The following SCFD2 variants were observed in gnomAD, a reference collection of about 807,000 sequenced individuals.
SCFD2 encodes sec1 family domain containing 2.
A neutral mutation model predicts 58.9 loss-of-function variants in SCFD2; 54 were observed. The ratio of observed to expected loss-of-function variants is 0.92; its 90% CI spans 0.74 to 1.15. The LOEUF is 1.15. Ranked by LOEUF, SCFD2 falls within the 50% of genes most tolerant of loss-of-function variation. The probability of loss-of-function intolerance (pLI) is 0.00; values close to 1 mark genes in which losing one functional copy is unlikely to be tolerated. For missense variants in SCFD2, 805 were observed against 836.6 expected, an observed-to-expected ratio of 0.96 and a Z score of 0.47; for synonymous variants, 321 against 335.9, an observed-to-expected ratio of 0.96 and a Z score of 0.49.
intron 5 of SCFD2, among the ~76,000 whole-genome samples, chr4:53,077,938 G>A (rs572524512): frequency 1.3e-5 from 2 of 151,996 alleles, no homozygotes; most frequent in South Asian, 4.2e-4. Context: ...TTTCTCTTTA[G>A]GCCAAAATTC....
rs183355824 is a variant in SCFD2, at chr4:53,229,502, C to G, written c.1311+44324G>C. Reference sequence around the variant, plus strand: ...ACTATCTGATCTTTGACAAACCTGACAAAAACAAGCAATGGGGAAAGGATT... The same window carrying G: ...ACTATCTGATCTTTGACAAACCTGAGAAAAACAAGCAATGGGGAAAGGATT... On this transcript the variant is annotated intron_variant, in intron 4 of 8. Coordinates refer to ENST00000401642, the MANE Select transcript of SCFD2 (RefSeq NM_152540.4). Among the ~76,000 whole-genome samples, 283 of 152,206 alleles carry G rather than the reference C, an allele frequency of 1.9e-3. 3 individuals carry two copies. The highest frequency in any genetic ancestry group is 5.1e-3 in the African/African-American group (211 of 41,516).
chr4:53,320,949 C>T (rs1733005856), intron 2 of SCFD2, among the ~76,000 whole-genome samples: 2 of 151,998 alleles, frequency 1.3e-5, no homozygotes, highest in Non-Finnish European at 2.9e-5. Context: ...AAATAGATTC[C>T]TTGAAATATA....
chr4:53,131,217 T>TA (rs1205979561), intron 5 of SCFD2, among the ~76,000 whole-genome samples: 3 of 152,186 alleles, frequency 2.0e-5, no homozygotes, highest in African/African-American at 7.2e-5. Flanking sequence ...TAATAATAGA[T>TA]AAAAAAGCTT....
At chr4:52,940,613 T>G (rs1052435273) in intron 5 of SCFD2, among the ~76,000 whole-genome samples, 2 of 152,162 alleles carry the variant, frequency 1.3e-5, no homozygotes, top group African/African-American at 4.8e-5. Context: ...GTAGCTGAAA[T>G]GACAGGAAAC....
At chr4:53,152,372 A>C (rs1290952609) in intron 4 of SCFD2, among the ~76,000 whole-genome samples, 2 of 152,182 alleles carry the variant, frequency 1.3e-5, no homozygotes, top group African/African-American at 4.8e-5. Flanking sequence ...AAAAAAAATT[A>C]AAAAAAGAAC....
intron 5 of SCFD2, among the ~76,000 whole-genome samples, chr4:52,992,957 G>A (rs1721656292): frequency 6.6e-6 from 1 of 151,996 alleles, no homozygotes; most frequent in South Asian, 2.1e-4. Context: ...ATAGAAAAGG[G>A]GGAAATGTGG....
intron 4 of SCFD2, among the ~76,000 whole-genome samples, chr4:53,199,863 A>G (rs1207752290): frequency 6.6e-6 from 1 of 152,058 alleles, no homozygotes; most frequent in African/African-American, 2.4e-5. Flanking sequence ...GGTTCTGGTA[A>G]GGGCTCTCTT....
At chr4:53,212,252 C>G (rs1246735549) in intron 4 of SCFD2, among the ~76,000 whole-genome samples, 1 of 151,882 alleles carries the variant, frequency 6.6e-6, no homozygotes, top group Non-Finnish European at 1.5e-5. Flanking sequence ...TAAAGTTAAC[C>G]ATACATTATA....
In SCFD2 at chr4:53,234,183, AT is replaced by A. The variant is rs149923532; in HGVS notation, c.1311+39642del. Among the ~76,000 whole-genome samples the A allele has an allele frequency of 2.7e-3, 411 of 152,312 alleles. 1 individual carries two copies. The highest frequency in any genetic ancestry group is 9.4e-3 in the African/African-American group (391 of 41,574). ...AAATTGTATGCACATCCAAAAAAAA[AT>A]ATTTGTTTCAGTTTGACAATGTTAC... is the stretch of plus-strand genomic sequence containing the variant. On this transcript the variant is annotated intron_variant, in intron 4 of 8. Coordinates refer to ENST00000401642, the MANE Select transcript of SCFD2 (RefSeq NM_152540.4).
intron 4 of SCFD2, among the ~76,000 whole-genome samples, chr4:53,152,571 G>A (rs1487796697): frequency 5.3e-5 from 8 of 151,990 alleles, no homozygotes; most frequent in East Asian, 1.9e-4. Flanking sequence ...AGATTTGGAG[G>A]GGGCAAATAT....
At chr4:53,203,141 C>T (rs1487606451) in intron 4 of SCFD2, among the ~76,000 whole-genome samples, 3 of 152,170 alleles carry the variant, frequency 2.0e-5, no homozygotes, top group Non-Finnish European at 4.4e-5. Flanking sequence ...TTCGTTCATT[C>T]AGCATGATAT....
intron 5 of SCFD2, among the ~76,000 whole-genome samples, chr4:52,985,234 G>GTC (rs1721461780): frequency 1.3e-5 from 2 of 152,212 alleles, no homozygotes; most frequent in Non-Finnish European, 2.9e-5. Context: ...CAGGTATGAA[G>GTC]AGTGGGACAT....
chr4:52,980,491 T>C (rs1341731647), intron 5 of SCFD2, among the ~76,000 whole-genome samples: 1 of 152,132 alleles, frequency 6.6e-6, no homozygotes, highest in Non-Finnish European at 1.5e-5. Context: ...TCATGTAAAG[T>C]GGTTTTAGTG....
rs1024115112 is a variant in SCFD2 at position 53,282,529 on chromosome 4, C to T, written c.1136-8528G>A. 1.1e-4 allele frequency among the ~76,000 whole-genome samples: 16 copies of T among 152,188 alleles called. 1 individual carries two copies. The highest frequency in any genetic ancestry group is 3.4e-4 in the African/African-American group (14 of 41,546). On this transcript the variant is annotated intron_variant, in intron 3 of 8. Transcript: ENST00000401642. Reference sequence around the variant, plus strand: ...TATAAAATTCCCCCCTTAAAGTATACAATTCAGTGGTTTTTGGTATATTCA... The same window carrying T: ...TATAAAATTCCCCCCTTAAAGTATATAATTCAGTGGTTTTTGGTATATTCA...
intron 5 of SCFD2, among the ~76,000 whole-genome samples, chr4:53,097,990 T>C (rs1330522302): frequency 6.6e-6 from 1 of 152,192 alleles, no homozygotes; most frequent in Admixed American, 6.5e-5. Flanking sequence ...GCTTTTGTCT[T>C]TGGTTCTGTT....
At chr4:53,251,454 C>A (rs2149039814) in intron 4 of SCFD2, among the ~76,000 whole-genome samples, 1 of 152,064 alleles carries the variant, frequency 6.6e-6, no homozygotes, top group Admixed American at 6.5e-5. Flanking sequence ...AGACCAATAT[C>A]CTTGATGAAC....
intron 5 of SCFD2, among the ~76,000 whole-genome samples, chr4:52,930,451 CAA>C (rs1464167329): frequency 6.6e-6 from 1 of 152,008 alleles, no homozygotes; most frequent in Non-Finnish European, 1.5e-5. Context: ...TAGGCATGGG[CAA>C]AGATTTCATG....
intron 5 of SCFD2, among the ~76,000 whole-genome samples, chr4:52,989,905 C>T (rs1310444786): frequency 2.0e-5 from 3 of 152,166 alleles, no homozygotes; most frequent in African/African-American, 7.2e-5. Flanking sequence ...TGACTCTCTT[C>T]CTCTGTCTAC....
chr4:53,362,468 T>C (rs1734573646), intron 1 of SCFD2, among the ~76,000 whole-genome samples: 1 of 152,202 alleles, frequency 6.6e-6, no homozygotes. Flanking sequence ...TCTGTATAGG[T>C]TTCATACTTC....
Sources: allele counts gnomAD v4.1 joint callset (sites outside exome capture counted in the v4.1 genomes callset), GRCh38; gene constraint gnomAD v4.1.1; transcripts MANE v1.5; gene names NCBI Gene and HGNC (gene_info 2026-07-23, HGNC 2026-07-21).